Variants in P2RY14 observed in about 807,000 individuals in gnomAD.
P2RY14 encodes the protein P2Y purinoceptor 14.
P2RY14 carries 2 observed loss-of-function variants against 0.9 expected under a neutral mutation model. That is an observed-to-expected ratio of 2.16 (90% confidence interval 0.88 to 6.79). The LOEUF (loss-of-function observed/expected upper bound fraction) is 6.79, where lower values mean the gene tolerates loss of function less well. Among genes scored for constraint, P2RY14 ranks in the 30% most tolerant of loss-of-function variants. P2RY14 has a pLI of 0.05. For synonymous variants in P2RY14, 158 were observed against 147.2 expected (o/e 1.07, Z -0.53); for missense variants, 378 against 400.1 (o/e 0.94, Z 0.47).
At chr3:151,237,072 G>A (rs1158423584) in intron 1 of P2RY14, among the ~76,000 whole-genome samples, 1 of 140,980 alleles carries the variant, frequency 7.1e-6, no homozygotes, top group African/African-American at 2.7e-5. Context: ...TTTTTGAGAC[G>A]GAATCTCGCT....
At chr3:151,268,698 C>T (rs1220030851) in intron 1 of P2RY14, among the ~76,000 whole-genome samples, 1 of 152,112 alleles carries the variant, frequency 6.6e-6, no homozygotes, top group Non-Finnish European at 1.5e-5. Context: ...TTTCTTCTAA[C>T]CTATAGGGCA....
intron 1 of P2RY14, among the ~76,000 whole-genome samples, chr3:151,254,660 T>C (rs1350803826): frequency 6.6e-6 from 1 of 152,252 alleles, no homozygotes; most frequent in Admixed American, 6.5e-5. Flanking sequence ...GAAGTCCAAG[T>C]GCATGTTTAT....
chr3:151,246,451 C>T (rs1271660547), intron 1 of P2RY14, among the ~76,000 whole-genome samples: 4 of 152,000 alleles, frequency 2.6e-5, no homozygotes, highest in African/African-American at 9.7e-5. Context: ...GAACAGAGCC[C>T]TCAGAAATAA....
At chr3:151,260,791 CTG>C (rs747408821) in intron 1 of P2RY14, among the ~76,000 whole-genome samples, 6 of 152,144 alleles carry the variant, frequency 3.9e-5, no homozygotes, top group African/African-American at 7.2e-5. Flanking sequence ...TTGTAAATAA[CTG>C]TAATCTTTTT....
At position 151,225,750 on chromosome 3, in the gene P2RY14, C is replaced by G. The variant is rs565015541; in HGVS notation, c.-132-6108G>C. On this transcript the variant is annotated intron_variant, in intron 1 of 2. Coordinates refer to ENST00000309170, the MANE Select transcript of P2RY14 (RefSeq NM_014879.4). Reference sequence around the variant, plus strand: ...CCCAGAAGAAGGAACTCTCCCACCCCCTATCTTTTTTCATTACCCACAGCA... The same window carrying G: ...CCCAGAAGAAGGAACTCTCCCACCCGCTATCTTTTTTCATTACCCACAGCA... 4.6e-5 allele frequency among the ~76,000 whole-genome samples: 7 copies of G among 152,230 alleles called. No individual in the cohort carries two copies. In the South Asian group the frequency reaches 1.5e-3, roughly 32 times the overall value.
At chr3:151,273,919 G>A (rs1741432260) in intron 1 of P2RY14, among the ~76,000 whole-genome samples, 1 of 152,172 alleles carries the variant, frequency 6.6e-6, no homozygotes, top group African/African-American at 2.4e-5. Flanking sequence ...ACTTCACTGT[G>A]TTATGAGGCT....
chr3:151,223,378 G>C (rs1236090477), intron 1 of P2RY14, among the ~76,000 whole-genome samples: 1 of 152,056 alleles, frequency 6.6e-6, no homozygotes, highest in African/African-American at 2.4e-5. Flanking sequence ...TTACCAAAAA[G>C]ACACCTTCAT....
intron 1 of P2RY14, among the ~76,000 whole-genome samples, chr3:151,224,228 TA>T (rs1730016126): frequency 6.6e-6 from 1 of 152,210 alleles, no homozygotes; most frequent in South Asian, 2.1e-4. Context: ...CTTATAAAGG[TA>T]CAACTTTTAT....
At chr3:151,259,387 C>T (rs1738448733) in intron 1 of P2RY14, among the ~76,000 whole-genome samples, 1 of 152,086 alleles carries the variant, frequency 6.6e-6, no homozygotes, top group Admixed American at 6.6e-5. Context: ...TTTTATTCAC[C>T]AAATGCTTAA....
At chr3:151,257,079 T>C (rs1352200432) in intron 1 of P2RY14, among the ~76,000 whole-genome samples, 1 of 152,108 alleles carries the variant, frequency 6.6e-6, no homozygotes, top group Non-Finnish European at 1.5e-5. Flanking sequence ...CAAGAAATGG[T>C]GTAGTTTTAA....
chr3:151,266,966 T>G (rs758903293), intron 1 of P2RY14, among the ~76,000 whole-genome samples: 4 of 152,206 alleles, frequency 2.6e-5, no homozygotes, highest in Non-Finnish European at 4.4e-5. Flanking sequence ...TGGTTTAAAA[T>G]GGATTTTATG....
chr3:151,227,125 A>G (rs1397425018), intron 1 of P2RY14, among the ~76,000 whole-genome samples: 2 of 152,236 alleles, frequency 1.3e-5, no homozygotes, highest in African/African-American at 2.4e-5. Flanking sequence ...TTCAGTTAGA[A>G]TCCAGGTCAG....
At chr3:151,242,542 C>A (rs1335545474) in intron 1 of P2RY14, among the ~76,000 whole-genome samples, 1 of 152,210 alleles carries the variant, frequency 6.6e-6, no homozygotes, top group Non-Finnish European at 1.5e-5. Flanking sequence ...TCCAACAGAC[C>A]TGCAGCTGAG....
At chr3:151,238,557 A>G (rs578020541) in intron 1 of P2RY14, among the ~76,000 whole-genome samples, 40 of 152,266 alleles carry the variant, frequency 2.6e-4, no homozygotes, top group Middle Eastern at 6.8e-3. Flanking sequence ...AGATGTTGCT[A>G]TTTTCATCGT....
At chr3:151,266,862 C>T (rs1341547507) in intron 1 of P2RY14, among the ~76,000 whole-genome samples, 1 of 152,202 alleles carries the variant, frequency 6.6e-6, no homozygotes, top group Non-Finnish European at 1.5e-5. Context: ...AATTGGTATG[C>T]TGTCATGCCC....
chr3:151,226,660 A>G (rs1382065727), intron 1 of P2RY14, among the ~76,000 whole-genome samples: 2 of 151,800 alleles, frequency 1.3e-5, no homozygotes, highest in Non-Finnish European at 2.9e-5. Context: ...TTGAGAGTAT[A>G]TATATTATTT....
chr3:151,214,944 A>C (rs754195908), intron 2 of P2RY14, among the ~76,000 whole-genome samples: 1 of 152,164 alleles, frequency 6.6e-6, no homozygotes, highest in Non-Finnish European at 1.5e-5. Flanking sequence ...GGATTCATAA[A>C]AATCATTATA....
chr3:151,228,311 G>GT (rs11455452), intron 1 of P2RY14, among the ~76,000 whole-genome samples: 69,589 of 151,916 alleles, frequency 0.46, 16,629 homozygotes, highest in Middle Eastern at 0.62. Flanking sequence ...GGGAGAAGTA[G>GT]TAGCTACCTC....
chr3:151,238,149 C>CTTTTTA (rs1733316245), intron 1 of P2RY14, among the ~76,000 whole-genome samples: 1 of 150,766 alleles, frequency 6.6e-6, no homozygotes. Flanking sequence ...TTTTCTTTTT[C>CTTTTTA]TTTTTCTTTT....
Sources: gnomAD v4.1 joint callset for allele counts (sites outside exome capture counted in the v4.1 genomes callset) on GRCh38, gnomAD v4.1.1 for gene constraint, MANE v1.5 for transcripts, NCBI Gene and HGNC (gene_info 2026-07-23, HGNC 2026-07-21) for gene names.